The following SLC35F1 variants were observed in gnomAD, a reference collection of about 807,000 sequenced individuals.
SLC35F1 encodes the protein chromosome 6 open reading frame 169.
SLC35F1 carries 14 observed loss-of-function variants against 48.7 expected under a neutral mutation model. The ratio of observed to expected loss-of-function variants is 0.29; its 90% confidence interval spans 0.19 to 0.45. SLC35F1 has a LOEUF of 0.45. SLC35F1 is among the 20% of genes least tolerant of loss of function. The pLI, the probability that SLC35F1 is intolerant of heterozygous loss-of-function variation, is 1.00. For missense variants in SLC35F1, 404 were observed against 500.0 expected (o/e 0.81, Z 1.83); for synonymous variants, 190 against 202.2 (o/e 0.94, Z 0.51).
At chr6:117,985,613 A>ACCAT (rs1449051636) in intron 1 of SLC35F1, among the ~76,000 whole-genome samples, 3 of 2,422 alleles carry the variant, frequency 1.2e-3, no homozygotes, top group African/African-American at 1.8e-3. Flanking sequence ...GAGTGGCATA[A>ACCAT]CTATCTATAC....
At chr6:118,097,122 T>A (rs541773291) in intron 1 of SLC35F1, among the ~76,000 whole-genome samples, 1 of 152,136 alleles carries the variant, frequency 6.6e-6, no homozygotes, top group Non-Finnish European at 1.5e-5. Flanking sequence ...ATTCCCCTCT[T>A]CAGAATTCAC....
At chr6:118,035,200 G>A (rs1330668720) in intron 1 of SLC35F1, among the ~76,000 whole-genome samples, 1 of 152,056 alleles carries the variant, frequency 6.6e-6, no homozygotes, top group Non-Finnish European at 1.5e-5. Context: ...ATCTTTTAAT[G>A]TCTGTAAAAT....
chr6:118,127,593 A>T (rs1249820204), intron 1 of SLC35F1, among the ~76,000 whole-genome samples: 1 of 152,102 alleles, frequency 6.6e-6, no homozygotes, highest in East Asian at 1.9e-4. Flanking sequence ...GTGCTGGGAA[A>T]ACTGGCTAGC....
Position 118,240,843 on chromosome 6 carries a change from G to C in SLC35F1, c.477+5207G>C, listed in dbSNP as rs561053292. Among the ~76,000 whole-genome samples, 6 of 152,266 alleles carry C rather than the reference G, an allele frequency of 3.9e-5. No individual in the cohort carries two copies. The East Asian group carries it at 5.8e-4, about 15-fold the overall frequency. On this transcript the variant is annotated intron_variant, in intron 3 of 7. Coordinates refer to ENST00000360388, the MANE Select transcript of SLC35F1 (RefSeq NM_001029858.4). ...TGAGGTTCCGAGCAGGGTCGTGTCT[G>C]GGCAAGGACACCAAAGAGAAGAGTG... is the stretch of plus-strand genomic sequence containing the variant.
At chr6:118,029,143 C>A (rs1353634438) in intron 1 of SLC35F1, among the ~76,000 whole-genome samples, 1 of 151,938 alleles carries the variant, frequency 6.6e-6, no homozygotes, top group Non-Finnish European at 1.5e-5. Context: ...TCAGGAAGGA[C>A]CTCATTATCC....
chr6:118,317,389 T>G lies in SLC35F1; in HGVS notation c.*3137T>G, dbSNP rs1187549568. The G allele has an allele frequency of 1.3e-5, 2 of 152,250 alleles. No individual in the cohort carries two copies. The highest frequency in any genetic ancestry group is 2.9e-5 in the Non-Finnish European group (2 of 68,046). The allele number at this position is 152,250 out of a possible 1,614,324, so 9.4% of individuals were successfully genotyped here. On this transcript the variant is annotated 3_prime_UTR_variant, in exon 8 of 8. Transcript: ENST00000360388. ...TAACCTTTTGACAAGCGTGTAGTATTGTTTGTTTTGGGTTTCTTTTTGATT... is the reference window on the plus strand; with the variant it reads ...TAACCTTTTGACAAGCGTGTAGTATGGTTTGTTTTGGGTTTCTTTTTGATT...
chr6:118,197,186 G>A (rs205927), intron 2 of SLC35F1, among the ~76,000 whole-genome samples: 16,577 of 151,990 alleles, frequency 0.11, 1,375 homozygotes, highest in African/African-American at 0.23. Flanking sequence ...TGAATCAGCT[G>A]ATTTCCTCAT....
At chr6:117,914,832 G>A (rs529714412) in intron 1 of SLC35F1, among the ~76,000 whole-genome samples, 23 of 151,932 alleles carry the variant, frequency 1.5e-4, no homozygotes, top group African/African-American at 5.6e-4. Context: ...ATTACTCAAC[G>A]TCTACATAGA....
chr6:118,017,750 A>G (rs1777341268), intron 1 of SLC35F1, among the ~76,000 whole-genome samples: 1 of 152,244 alleles, frequency 6.6e-6, no homozygotes, highest in Non-Finnish European at 1.5e-5. Flanking sequence ...TAAGATCATT[A>G]TAATAAGAGA....
chr6:118,211,887 T>C (rs1193666283), intron 2 of SLC35F1, among the ~76,000 whole-genome samples: 2 of 152,226 alleles, frequency 1.3e-5, no homozygotes, highest in Non-Finnish European at 2.9e-5. Context: ...ATAAATTTAA[T>C]ACACAGGCAT....
At chr6:118,220,932 C>CTATG (rs1358013675) in intron 2 of SLC35F1, among the ~76,000 whole-genome samples, 5 of 152,120 alleles carry the variant, frequency 3.3e-5, no homozygotes, top group African/African-American at 1.2e-4. Context: ...CCTCACTGTA[C>CTATG]TATGGCCTGT....
intron 1 of SLC35F1, among the ~76,000 whole-genome samples, chr6:117,953,204 G>A (rs1048828550): frequency 2.0e-5 from 3 of 151,952 alleles, no homozygotes; most frequent in Non-Finnish European, 2.9e-5. Context: ...TCATCATTTT[G>A]GGCTACATTT....
intron 7 of SLC35F1, among the ~76,000 whole-genome samples, chr6:118,300,900 T>C (rs1454051663): frequency 6.6e-6 from 1 of 152,024 alleles, no homozygotes; most frequent in African/African-American, 2.4e-5. Flanking sequence ...TACATGTTGG[T>C]GATCAGTTTC....
At chr6:118,262,187 A>T (rs1212549963) in intron 3 of SLC35F1, among the ~76,000 whole-genome samples, 23 of 152,218 alleles carry the variant, frequency 1.5e-4, no homozygotes, top group Non-Finnish European at 1.5e-5. Flanking sequence ...CACTTTCGGA[A>T]GTGTGGGTGT....
chr6:117,987,337 C>T (rs912207111), intron 1 of SLC35F1, among the ~76,000 whole-genome samples: 1 of 150,002 alleles, frequency 6.7e-6, no homozygotes, highest in Non-Finnish European at 1.5e-5. Flanking sequence ...CTTTTTCTTC[C>T]TCCTCCTCTT....
intron 1 of SLC35F1, among the ~76,000 whole-genome samples, chr6:117,930,247 G>A (rs1776083170): frequency 6.6e-6 from 1 of 152,156 alleles, no homozygotes; most frequent in Non-Finnish European, 1.5e-5. Flanking sequence ...GGGGCTAAAA[G>A]GATGTTGTCT....
chr6:118,212,386 C>A (rs761103763), intron 2 of SLC35F1, among the ~76,000 whole-genome samples: 1 of 152,088 alleles, frequency 6.6e-6, no homozygotes, highest in African/African-American at 2.4e-5. Flanking sequence ...TTATAAAAAT[C>A]TTGATTCAGA....
intron 1 of SLC35F1, among the ~76,000 whole-genome samples, chr6:117,991,811 TA>T (rs1180493277): frequency 6.6e-6 from 1 of 152,192 alleles, no homozygotes; most frequent in Non-Finnish European, 1.5e-5. Context: ...TGTTTTATTT[TA>T]TACTTTTTTG....
intron 2 of SLC35F1, among the ~76,000 whole-genome samples, chr6:118,156,819 C>A (rs1774151449): frequency 6.6e-6 from 1 of 151,960 alleles, no homozygotes. Flanking sequence ...TGTATTTAGT[C>A]TTTGAGTTCT....
Sources: gnomAD v4.1 joint callset for allele counts (sites outside exome capture counted in the v4.1 genomes callset) on GRCh38, gnomAD v4.1.1 for gene constraint, MANE v1.5 for transcripts, NCBI Gene and HGNC (gene_info 2026-07-23, HGNC 2026-07-21) for gene names.